Variants in GLG1 observed in about 807,000 individuals in gnomAD.
GLG1 encodes the protein Golgi apparatus protein 1.
Under a neutral mutation model 160.5 loss-of-function variants are expected in GLG1, and 38 were observed. That is an observed-to-expected ratio of 0.24 (90% CI 0.18 to 0.31). The LOEUF is 0.31. GLG1 is among the 10% of genes least tolerant of loss of function. GLG1 has a pLI of 1.00. For synonymous variants in GLG1, 644 were observed against 543.4 expected, an observed-to-expected ratio of 1.19 and a Z score of -2.57; for missense variants, 1,373 against 1,505.2, an observed-to-expected ratio of 0.91 and a Z score of 1.45.
intron 2 of GLG1, among the ~76,000 whole-genome samples, chr16:74,521,723 A>G (rs748994479): frequency 4.9e-4 from 75 of 152,314 alleles, no homozygotes; most frequent in Non-Finnish European, 1.3e-4. Context: ...AAAAAAGACA[A>G]TAACAACAAA....
chr16:74,455,020 AG>A (rs1247102032), intron 25 of GLG1, among the ~76,000 whole-genome samples: 9 of 152,054 alleles, frequency 5.9e-5, no homozygotes, highest in African/African-American at 2.2e-4. Context: ...TGAGCCCAGG[AG>A]TTCGAGGCTG....
intron 22 of GLG1, 91 bp downstream of exon 22, chr16:74,462,003 C>T (rs2014816410): frequency 1.0e-5 from 7 of 693,114 alleles, no homozygotes; most frequent in Admixed American, 4.4e-5. Flanking sequence ...AGATCATTCA[C>T]GGCTGAAGGG....
intron 11 of GLG1, among the ~76,000 whole-genome samples, chr16:74,478,962 T>A (rs2015494369): frequency 7.1e-6 from 1 of 141,572 alleles, no homozygotes; most frequent in Non-Finnish European, 1.5e-5. Flanking sequence ...TCCCAGCACT[T>A]TGGGAGGCCC....
At chr16:74,459,339 G>C (rs182183780) in intron 23 of GLG1, among the ~76,000 whole-genome samples, 54 of 152,254 alleles carry the variant, frequency 3.5e-4, no homozygotes, top group Admixed American at 2.3e-3. Context: ...TTAGTCAGGC[G>C]TGGTGGCGGG....
rs563577456 is a variant in GLG1, at chr16:74,450,460, G to C, written c.*2707C>G. The stretch of plus-strand genomic sequence containing the variant: ...TGGGGCTCTCAAGAGCCAGTCATTG[G>C]AAAATGCTCCAAGTAAGATGATGAA... On this transcript the variant is annotated 3_prime_UTR_variant, in exon 26 of 26. Coordinates refer to ENST00000422840, the MANE Select transcript of GLG1 (RefSeq NM_001145667.2). 1 of 152,326 alleles carries C rather than the reference G, an allele frequency of 6.6e-6. No individual in the cohort carries two copies. The highest frequency in any genetic ancestry group is 1.5e-5 in the Non-Finnish European group (1 of 68,044). 9.4% of individuals were successfully genotyped at this position (152,326 alleles called of 1,614,324 possible).
At chr16:74,552,222 C>T (rs1427073577) in intron 1 of GLG1, 1 of 527,754 alleles carries the variant, frequency 1.9e-6, no homozygotes, top group African/African-American at 1.9e-5. Context: ...GTCTCTCCAG[C>T]CCCGGACCTG....
At chr16:74,581,122 C>T (rs1957928778) in intron 1 of GLG1, among the ~76,000 whole-genome samples, 1 of 152,122 alleles carries the variant, frequency 6.6e-6, no homozygotes, top group African/African-American at 2.4e-5. Flanking sequence ...GCCATATGAC[C>T]TAGTAATTCC....
intron 3 of GLG1, among the ~76,000 whole-genome samples, chr16:74,505,724 G>A (rs544126815): frequency 3.3e-5 from 5 of 152,142 alleles, no homozygotes; most frequent in East Asian, 1.9e-4. Context: ...GTGTGGCGGC[G>A]TGCGCCTGTA....
intron 2 of GLG1, among the ~76,000 whole-genome samples, chr16:74,514,569 A>C (rs1472479274): frequency 6.6e-6 from 1 of 152,168 alleles, no homozygotes; most frequent in Non-Finnish European, 1.5e-5. Flanking sequence ...GAAATAAAAT[A>C]CTTTACAGAC....
chr16:74,494,972 T>C (rs879011108), intron 5 of GLG1, 141 bp from the exon 6 acceptor site: 1 of 468,290 alleles, frequency 2.1e-6, no homozygotes, highest in Admixed American at 3.4e-5. Context: ...ATTTATAAAA[T>C]TTAATAGGCT....
intron 1 of GLG1, among the ~76,000 whole-genome samples, chr16:74,559,186 G>A (rs568659095): frequency 3.9e-5 from 6 of 152,164 alleles, no homozygotes; most frequent in Non-Finnish European, 8.8e-5. Context: ...TTTTTTAAAC[G>A]AGGTATCTGA....
At chr16:74,542,731 A>AAGGGAGGGAGGG (rs1567513897) in intron 1 of GLG1, among the ~76,000 whole-genome samples, 19 of 99,888 alleles carry the variant, frequency 1.9e-4, no homozygotes, top group South Asian at 3.8e-4. Context: ...GGAAGGAAGG[A>AAGGGAGGGAGGG]AGGGAGGAAG....
intron 1 of GLG1, among the ~76,000 whole-genome samples, chr16:74,598,264 G>C (rs931745496): frequency 2.6e-5 from 4 of 152,118 alleles, no homozygotes; most frequent in Admixed American, 6.6e-5. Context: ...GCTCACGCCT[G>C]TAATCCCAGC....
At chr16:74,582,407 C>G (rs532301515) in intron 1 of GLG1, among the ~76,000 whole-genome samples, 115 of 152,250 alleles carry the variant, frequency 7.6e-4, no homozygotes, top group African/African-American at 2.6e-3. Context: ...CTCAGGTGAT[C>G]TGCCTGCCTC....
intron 1 of GLG1, among the ~76,000 whole-genome samples, chr16:74,540,084 ATATATATATTATATATATTT>A (rs1567512353): frequency 0.023 from 32 of 1,420 alleles, 14 homozygotes; most frequent in African/African-American, 0.027. Flanking sequence ...TATATATTTT[ATATATATATTATATATATTT>A]TATATATATA....
At chr16:74,513,802 C>T (rs1162543820) in intron 2 of GLG1, among the ~76,000 whole-genome samples, 2 of 152,122 alleles carry the variant, frequency 1.3e-5, no homozygotes, top group Non-Finnish European at 2.9e-5. Context: ...GACAAGTTGA[C>T]AGAAGTAGGC....
chr16:74,593,028 C>T (rs1958219281), intron 1 of GLG1, among the ~76,000 whole-genome samples: 2 of 152,056 alleles, frequency 1.3e-5, no homozygotes, highest in South Asian at 2.1e-4. Flanking sequence ...TGTGCAAGCC[C>T]GCCCTCCCTC....
At chr16:74,518,589 T>A (rs964001909) in intron 2 of GLG1, among the ~76,000 whole-genome samples, 4 of 152,124 alleles carry the variant, frequency 2.6e-5, no homozygotes, top group Non-Finnish European at 4.4e-5. Context: ...CCTAGGATGA[T>A]AAAAATCCTA....
rs995694733 is a variant in GLG1, at chr16:74,453,019, G to T, written c.*148C>A. ...GACACCATGGACACGAGTGGAGGCT[G>T]GATGGGACAACGCAGTGGACATCTG... On this transcript the variant is annotated 3_prime_UTR_variant, in exon 26 of 26. Coordinates refer to ENST00000422840, the MANE Select transcript of GLG1 (RefSeq NM_001145667.2). The T allele has an allele frequency of 9.3e-6, 13 of 1,401,420 alleles. No homozygotes were observed. The highest frequency in any genetic ancestry group is 5.8e-5 in the African/African-American group (4 of 69,124). 86.8% of individuals were successfully genotyped at this position (1,401,420 alleles called of 1,614,324 possible). A position where few individuals can be genotyped will look rare whatever the true frequency, so the allele number is the denominator to read the frequency against.
Sources: gnomAD v4.1 joint callset for allele counts (sites outside exome capture counted in the v4.1 genomes callset) on GRCh38, gnomAD v4.1.1 for gene constraint, MANE v1.5 for transcripts, NCBI Gene and HGNC (gene_info 2026-07-23, HGNC 2026-07-21) for gene names.